The following GRHL2 variants were observed in gnomAD, a reference collection of about 807,000 sequenced individuals.
The protein encoded by GRHL2 is grainyhead-like protein 2 homolog.
A neutral mutation model predicts 83.8 loss-of-function variants in GRHL2; 21 were observed. The observed-to-expected ratio is 0.25, with a 90% CI of 0.18 to 0.36. The LOEUF (loss-of-function observed/expected upper bound fraction) is 0.36. Among genes scored for constraint, GRHL2 ranks in the 10% least tolerant of loss-of-function variants. GRHL2 has a pLI of 1.00. For missense variants in GRHL2, 623 were observed against 781.8 expected, an observed-to-expected ratio of 0.80 and a Z score of 2.42; for synonymous variants, 280 against 278.9, an observed-to-expected ratio of 1.00 and a Z score of -0.04.
At chr8:101,519,557 G>GC (rs1810641356) in intron 1 of GRHL2, among the ~76,000 whole-genome samples, 1 of 138,454 alleles carries the variant, frequency 7.2e-6, no homozygotes, top group Non-Finnish European at 1.5e-5. Flanking sequence ...ACCATGACCA[G>GC]CTTTTTTTTT....
chr8:101,613,587 C>A (rs976934979), intron 8 of GRHL2, among the ~76,000 whole-genome samples: 4 of 151,160 alleles, frequency 2.6e-5, no homozygotes, highest in Admixed American at 2.6e-4. Context: ...TTTAGTCTAT[C>A]TTCCGTCTCA....
intron 12 of GRHL2, among the ~76,000 whole-genome samples, chr8:101,643,618 G>T (rs865952559): frequency 6.6e-6 from 1 of 152,176 alleles, no homozygotes; most frequent in Non-Finnish European, 1.5e-5. Context: ...CATCTGCTGC[G>T]GCCAGAGGGA....
chr8:101,595,887 G>A (rs968938065), intron 7 of GRHL2, among the ~76,000 whole-genome samples: 5 of 152,086 alleles, frequency 3.3e-5, no homozygotes, highest in East Asian at 3.9e-4. Context: ...TTGGGAGGCC[G>A]AGGCGGGTGG....
At chr8:101,558,216 T>C (rs995586568) in intron 3 of GRHL2, among the ~76,000 whole-genome samples, 3 of 152,158 alleles carry the variant, frequency 2.0e-5, no homozygotes, top group Non-Finnish European at 4.4e-5. Context: ...GGTTGCATGA[T>C]ACCAGGGGGC....
intron 8 of GRHL2, among the ~76,000 whole-genome samples, chr8:101,613,465 A>G (rs1283647137): frequency 6.6e-6 from 1 of 150,970 alleles, no homozygotes; most frequent in Non-Finnish European, 1.5e-5. Flanking sequence ...CCCATCTCCC[A>G]GCACAATGCC....
chr8:101,608,729 ACT>A (rs199589210), intron 8 of GRHL2, among the ~76,000 whole-genome samples: 4 of 59,980 alleles, frequency 6.7e-5, no homozygotes, highest in Admixed American at 4.2e-4. Flanking sequence ...GTCTCTGCTC[ACT>A]CTCTCACACA....
chr8:101,630,267 CTACAAAAGCCAATTTGATAAACAAAAAA>C (rs1275930378), intron 9 of GRHL2, among the ~76,000 whole-genome samples: 1 of 152,092 alleles, frequency 6.6e-6, no homozygotes, highest in Non-Finnish European at 1.5e-5. Flanking sequence ...ATCTGCTTTT[CTACAAAAGCCAATTTGATAAACAAAAAA>C]TATATCTCAT....
intron 1 of GRHL2, among the ~76,000 whole-genome samples, chr8:101,517,646 T>C (rs752324186): frequency 3.3e-5 from 5 of 152,348 alleles, no homozygotes; most frequent in Non-Finnish European, 7.3e-5. Flanking sequence ...AGAGACAATG[T>C]AGACAAGATG....
chr8:101,625,047 A>G (rs909658535), intron 9 of GRHL2, among the ~76,000 whole-genome samples: 1 of 152,184 alleles, frequency 6.6e-6, no homozygotes, highest in South Asian at 2.1e-4. Context: ...TATTAAGAAA[A>G]CATTTTCAAA....
chr8:101,605,993 G>A (rs1812625639), intron 8 of GRHL2, among the ~76,000 whole-genome samples: 1 of 152,014 alleles, frequency 6.6e-6, no homozygotes, highest in Non-Finnish European at 1.5e-5. Flanking sequence ...TTTCTGTTAT[G>A]AATAGTGGAG....
intron 4 of GRHL2, among the ~76,000 whole-genome samples, chr8:101,566,199 A>T (rs901627281): frequency 6.6e-6 from 1 of 152,212 alleles, no homozygotes; most frequent in Non-Finnish European, 1.5e-5. Context: ...CACTTTGTTA[A>T]TGTGTTTTAG....
chr8:101,552,617 A>G, intron 2 of GRHL2, 98 bp from the exon 3 acceptor site: 1 of 1,085,448 alleles, frequency 9.2e-7, no homozygotes. Context: ...CCTGGAGAAC[A>G]TTCCATTTTG....
At chr8:101,505,808 C>T (rs1810329844) in intron 1 of GRHL2, among the ~76,000 whole-genome samples, 2 of 151,938 alleles carry the variant, frequency 1.3e-5, no homozygotes, top group South Asian at 4.2e-4. Flanking sequence ...CTTTTAACAT[C>T]CTGAAGTTGA....
chr8:101,504,708 G>C (rs571254712), intron 1 of GRHL2, among the ~76,000 whole-genome samples: 124 of 151,760 alleles, frequency 8.2e-4, no homozygotes, highest in African/African-American at 2.8e-3. Flanking sequence ...TCTCCCTGGA[G>C]GGCCACACAG....
intron 2 of GRHL2, among the ~76,000 whole-genome samples, chr8:101,548,733 T>C (rs774097978): frequency 6.6e-6 from 1 of 152,124 alleles, no homozygotes; most frequent in Non-Finnish European, 1.5e-5. Context: ...AGCCAAAGTT[T>C]CAAAAAAGAG....
At chr8:101,675,657 G>A in the GRHL2 span, among the ~76,000 whole-genome samples, 2 of 152,106 alleles carry the variant, frequency 1.3e-5, no homozygotes, top group East Asian at 1.9e-4. Flanking sequence ...TAGACTCAAC[G>A]CCATCCCCAA....
intron 8 of GRHL2, among the ~76,000 whole-genome samples, chr8:101,611,037 C>G (rs1012958160): frequency 1.3e-5 from 2 of 150,864 alleles, no homozygotes; most frequent in Non-Finnish European, 2.9e-5. Context: ...CAGTGAGTGT[C>G]CGAGGAGGCT....
the GRHL2 span, among the ~76,000 whole-genome samples, chr8:101,677,290 T>C: frequency 1.5e-4 from 23 of 152,160 alleles, no homozygotes; most frequent in African/African-American, 5.1e-4. Flanking sequence ...ACACCCCTCA[T>C]AGACCACTGA....
intron 14 of GRHL2, among the ~76,000 whole-genome samples, chr8:101,663,960 G>C (rs902394592): frequency 6.7e-6 from 1 of 149,666 alleles, no homozygotes; most frequent in African/African-American, 2.5e-5. Flanking sequence ...TTAACCTTTC[G>C]ACCTTTTTCT....
Sources: gnomAD v4.1 joint callset for allele counts (sites outside exome capture counted in the v4.1 genomes callset) on GRCh38, gnomAD v4.1.1 for gene constraint, MANE v1.5 for transcripts, NCBI Gene and HGNC (gene_info 2026-07-23, HGNC 2026-07-21) for gene names.